Variants in EHD4 observed in about 807,000 individuals in gnomAD.
The protein encoded by EHD4 is EH domain-containing protein 4.
EHD4 carries 37 observed loss-of-function variants against 51.0 expected under a neutral mutation model. The ratio of observed to expected loss-of-function variants is 0.73; its 90% CI spans 0.56 to 0.95. The LOEUF (loss-of-function observed/expected upper bound fraction) is 0.95, where lower values mean the gene tolerates loss of function less well. EHD4 is among the 40% of genes least tolerant of loss of function. EHD4 has a pLI of 0.00. For missense variants in EHD4, 632 were observed against 733.1 expected (o/e 0.86, Z 1.59); for synonymous variants, 297 against 317.3 (o/e 0.94, Z 0.68).
chr15:41,952,161 C>G (rs1202555839), intron 2 of EHD4, among the ~76,000 whole-genome samples: 1 of 152,278 alleles, frequency 6.6e-6, no homozygotes, highest in Non-Finnish European at 1.5e-5. Context: ...CAGCATCCAG[C>G]ACATCATTCA....
At chr15:41,946,996 C>G (rs1020905134) in intron 2 of EHD4, among the ~76,000 whole-genome samples, 1 of 152,238 alleles carries the variant, frequency 6.6e-6, no homozygotes, top group African/African-American at 2.4e-5. Flanking sequence ...TGCACATTAA[C>G]TCCAGCCTTA....
chr15:41,896,176 T>G lies in EHD4; in HGVS notation c.*4469A>C, dbSNP rs1488427897. 6.6e-6 allele frequency: 1 copy of G among 152,086 alleles called. No homozygotes were observed. The allele number at this position is 152,086 out of a possible 1,614,324, so 9.4% of individuals were successfully genotyped here. A position where few individuals can be genotyped will look rare whatever the true frequency, so the allele number is the denominator to read the frequency against. ...TAGTAGGAATAGGAAGGACTTCAGG[T>G]GAGGTTTGATCCAGCAGCTCAAATG... On this transcript the variant is annotated 3_prime_UTR_variant, in exon 6 of 6. Transcript: ENST00000220325.
rs992262002 is a variant in EHD4 at position 41,896,198 on chromosome 15, A to C, written c.*4447T>G. 1 of 152,146 alleles carries C rather than the reference A, an allele frequency of 6.6e-6. No individual in the cohort carries two copies. The highest frequency in any genetic ancestry group is 1.5e-5 in the Non-Finnish European group (1 of 68,044). The allele number at this position is 152,146 out of a possible 1,614,324, so 9.4% of individuals were successfully genotyped here. A position where few individuals can be genotyped will look rare whatever the true frequency, so the allele number is the denominator to read the frequency against. On this transcript the variant is annotated 3_prime_UTR_variant, in exon 6 of 6. Transcript: ENST00000220325. ...AGGTGAGGTTTGATCCAGCAGCTCA[A>C]ATGTTGTCACCACAGGCCTGGATTC... is the stretch of plus-strand genomic sequence containing the variant.
intron 5 of EHD4, among the ~76,000 whole-genome samples, chr15:41,903,473 C>T (rs1445511303): frequency 1.3e-5 from 2 of 151,752 alleles, no homozygotes; most frequent in African/African-American, 4.8e-5. Context: ...CACACACACA[C>T]ACACACACAC....
At chr15:41,924,416 G>A (rs1298483752) in intron 3 of EHD4, among the ~76,000 whole-genome samples, 4 of 152,200 alleles carry the variant, frequency 2.6e-5, no homozygotes, top group Non-Finnish European at 5.9e-5. Flanking sequence ...TGTAATAACA[G>A]TGTCTTGGGG....
At chr15:41,945,006 C>T (rs1379477224) in intron 2 of EHD4, among the ~76,000 whole-genome samples, 1 of 152,080 alleles carries the variant, frequency 6.6e-6, no homozygotes, top group African/African-American at 2.4e-5. Flanking sequence ...AGAAAAAACC[C>T]CACCATGCCA....
intron 1 of EHD4, among the ~76,000 whole-genome samples, chr15:41,962,135 A>G (rs1162235012): frequency 6.6e-6 from 1 of 152,220 alleles, no homozygotes; most frequent in Non-Finnish European, 1.5e-5. Context: ...GTCTGCGTTA[A>G]AGCAATGGTG....
intron 4 of EHD4, among the ~76,000 whole-genome samples, chr15:41,910,904 G>A (rs763668941): frequency 6.6e-6 from 1 of 152,176 alleles, no homozygotes; most frequent in Non-Finnish European, 1.5e-5. Flanking sequence ...TAATTGTGAA[G>A]TCAAGTAAGT....
intron 3 of EHD4, among the ~76,000 whole-genome samples, chr15:41,935,828 G>A (rs574790863): frequency 4.6e-5 from 7 of 152,086 alleles, no homozygotes; most frequent in Non-Finnish European, 5.9e-5. Context: ...TCTCGCTTGG[G>A]GTCTGTCAGA....
intron 3 of EHD4, among the ~76,000 whole-genome samples, chr15:41,926,380 T>C (rs1454457212): frequency 2.0e-5 from 3 of 152,148 alleles, no homozygotes; most frequent in Non-Finnish European, 4.4e-5. Context: ...TTCGAGGCCC[T>C]GCCCGCCCCT....
chr15:41,944,429 A>G (rs1031220967), intron 2 of EHD4, among the ~76,000 whole-genome samples: 3 of 152,158 alleles, frequency 2.0e-5, no homozygotes, highest in South Asian at 4.2e-4. Flanking sequence ...TAAAAGCTCA[A>G]TTCTTCCGTA....
chr15:41,919,052 C>T (rs1404639422), intron 4 of EHD4, among the ~76,000 whole-genome samples, 158 bp downstream of exon 4: 1 of 152,224 alleles, frequency 6.6e-6, no homozygotes, highest in East Asian at 1.9e-4. Flanking sequence ...GCTAGGGTGT[C>T]AGCAGGGCCA....
At chr15:41,949,927 TCTC>T (rs529291275) in intron 2 of EHD4, among the ~76,000 whole-genome samples, 133 of 152,224 alleles carry the variant, frequency 8.7e-4, no homozygotes, top group Non-Finnish European at 1.4e-3. Flanking sequence ...CCCTTGGCTG[TCTC>T]CTCCTCTGTG....
chr15:41,947,491 T>C (rs1000591882), intron 2 of EHD4, among the ~76,000 whole-genome samples: 2 of 152,170 alleles, frequency 1.3e-5, no homozygotes, highest in Non-Finnish European at 2.9e-5. Context: ...GGAGAGAGTA[T>C]AGAATTGTTT....
At chr15:41,923,785 T>C (rs778388555) in intron 3 of EHD4, among the ~76,000 whole-genome samples, 1 of 152,218 alleles carries the variant, frequency 6.6e-6, no homozygotes, top group Non-Finnish European at 1.5e-5. Context: ...CCAATAGATG[T>C]TTAGGTGGTG....
intron 2 of EHD4, among the ~76,000 whole-genome samples, chr15:41,945,394 G>A (rs373226083): frequency 8.5e-5 from 13 of 152,220 alleles, no homozygotes; most frequent in Admixed American, 5.9e-4. Flanking sequence ...GGCCAGGCAC[G>A]GGAGCCACAG....
intron 1 of EHD4, among the ~76,000 whole-genome samples, chr15:41,961,363 A>C (rs555198377): frequency 7.9e-5 from 12 of 152,330 alleles, no homozygotes; most frequent in Middle Eastern, 3.4e-3. Context: ...TTGTTCTTCC[A>C]GTCTTTCAGT....
At chr15:41,939,098 G>A (rs17687821) in intron 3 of EHD4, among the ~76,000 whole-genome samples, 4,698 of 152,256 alleles carry the variant, frequency 0.031, 113 homozygotes, top group Admixed American at 0.069. Flanking sequence ...ACACCTGGCT[G>A]CTATCACCAA....
intron 1 of EHD4, among the ~76,000 whole-genome samples, chr15:41,954,687 G>C (rs2067875153): frequency 6.6e-6 from 1 of 151,958 alleles, no homozygotes; most frequent in Non-Finnish European, 1.5e-5. Context: ...AGGCTGGCTG[G>C]AGTGCAGTGG....
Sources: gnomAD v4.1 joint callset for allele counts (sites outside exome capture counted in the v4.1 genomes callset) on GRCh38, gnomAD v4.1.1 for gene constraint, MANE v1.5 for transcripts, NCBI Gene and HGNC (gene_info 2026-07-23, HGNC 2026-07-21) for gene names.